The following ZNF155 variants were observed in gnomAD, a reference collection of about 807,000 sequenced individuals.
ZNF155 encodes KRAB A domain.
Under a neutral mutation model 11.9 loss-of-function variants are expected in ZNF155, and 15 were observed. The ratio of observed to expected loss-of-function variants is 1.26; its 90% CI spans 0.84 to 1.94. ZNF155 has a LOEUF of 1.94. Among genes scored for constraint, ZNF155 ranks in the 30% most tolerant of loss-of-function variants. The pLI is 0.00. For synonymous variants in ZNF155, 212 were observed against 219.9 expected (o/e 0.96, Z 0.32); for missense variants, 602 against 639.1 (o/e 0.94, Z 0.63).
In ZNF155 at chr19:43,997,122, A is replaced by G. The variant is rs561564860; in HGVS notation, c.1265A>G (p.His422Arg). Reference sequence around the variant, plus strand: ...CAACTGTCTTCCCATCAGAGATCCCACAGTGGTGAAAAGCCATATAAATGT... The same window carrying G: ...CAACTGTCTTCCCATCAGAGATCCCGCAGTGGTGAAAAGCCATATAAATGT... ...NSQLSSHQRS[H>R]SGEKPYKCEE... The change falls in exon 5 of 5, where the codon CAC (histidine) becomes CGC (arginine). Residue 422 changes from histidine (H) to arginine (R), a missense_variant. Physicochemically the swap from His to Arg is conservative, Grantham distance 29. Coordinates refer to ENST00000270014, the MANE Select transcript of ZNF155 (RefSeq NM_198089.3). 3.1e-6 allele frequency: 5 copies of G among 1,614,196 alleles called. No homozygotes were observed. The African/African-American group carries it at 5.3e-5, about 17-fold the overall frequency.
rs780529007 is a variant in ZNF155, at chr19:43,997,110, A to C, written c.1253A>C (p.His418Pro). Residue 418 changes from histidine (H) to proline (P), a missense_variant, in exon 5 of 5, where the codon CAT (histidine) becomes CCT (proline). His to Pro is a moderately conservative substitution (Grantham distance 77). Coordinates refer to ENST00000270014, the MANE Select transcript of ZNF155 (RefSeq NM_198089.3). Reference protein sequence around the residue: ...GFYTNSQLSSHQRSHSGEKPY... With the variant: ...GFYTNSQLSSPQRSHSGEKPY... ...TATACAAATTCACAACTGTCTTCCC[A>C]TCAGAGATCCCACAGTGGTGAAAAG... 1 of 1,613,596 alleles carries C rather than the reference A, an allele frequency of 6.2e-7. No individual in the cohort carries two copies. The highest frequency in any genetic ancestry group is 1.7e-5 in the Admixed American group (1 of 60,010).
intron 1 of ZNF155, among the ~76,000 whole-genome samples, chr19:43,987,114 T>C (rs948354424): frequency 1.3e-5 from 2 of 152,342 alleles, no homozygotes; most frequent in African/African-American, 4.8e-5. Flanking sequence ...ATATTAGATA[T>C]CTGTTTAAAA....
At position 43,998,266 on chromosome 19, in the gene ZNF155, T is replaced by G. The variant is rs952531943; in HGVS notation, c.*792T>G. On this transcript the variant is annotated 3_prime_UTR_variant, in exon 5 of 5. Transcript: ENST00000270014. Reference sequence around the variant, plus strand: ...CCTCATACTGGGCAACTTATTTGGATCCCCATCTCCACTGTGGAGAGCTTT... The same window carrying G: ...CCTCATACTGGGCAACTTATTTGGAGCCCCATCTCCACTGTGGAGAGCTTT... The G allele has an allele frequency of 6.6e-6, 1 of 152,144 alleles. No individual in the cohort carries two copies. The highest frequency in any genetic ancestry group is 2.4e-5 in the African/African-American group (1 of 41,410). 9.4% of individuals were successfully genotyped at this position (152,144 alleles called of 1,614,324 possible).
Position 43,988,460 on chromosome 19 carries a change from C to G in ZNF155, c.-84C>G. The G allele has an allele frequency of 6.9e-7, 1 of 1,448,406 alleles. No homozygotes were observed. The allele number at this position is 1,448,406 out of a possible 1,614,324, so 89.7% of individuals were successfully genotyped here. A position where few individuals can be genotyped will look rare whatever the true frequency, so the allele number is the denominator to read the frequency against. On this transcript the variant is annotated splice_region_variant and 5_prime_UTR_variant, in exon 2 of 5. Coordinates refer to ENST00000270014, the MANE Select transcript of ZNF155 (RefSeq NM_198089.3). ...ACACACATCTCTCTTTTTCTGCAGA[C>G]TGTGGCACGTTTCAGGCAGGATTCC... is the stretch of plus-strand genomic sequence containing the variant.
rs745779454 is a variant in ZNF155 at position 43,996,916 on chromosome 19, T to C, written c.1059T>C (p.Phe353=). 11 of 1,613,844 alleles carry C rather than the reference T, an allele frequency of 6.8e-6. No individual in the cohort carries two copies. The highest frequency in any genetic ancestry group is 9.3e-6 in the Non-Finnish European group (11 of 1,179,970). The change falls in exon 5 of 5, where the codon TTT becomes TTC. Residue 353 remains phenylalanine (F), a synonymous_variant. Coordinates refer to ENST00000270014, the MANE Select transcript of ZNF155 (RefSeq NM_198089.3). ...PYRCEQCGKG[F]IGRLDFYKHQ... Reference sequence around the variant, plus strand: ...GATGTGAGCAGTGTGGAAAAGGCTTTATTGGTAGGCTAGATTTTTATAAGC... The same window carrying C: ...GATGTGAGCAGTGTGGAAAAGGCTTCATTGGTAGGCTAGATTTTTATAAGC...
chr19:43,987,484 T>C (rs956816192), intron 1 of ZNF155, among the ~76,000 whole-genome samples: 9 of 152,356 alleles, frequency 5.9e-5, no homozygotes, highest in South Asian at 2.1e-4. Context: ...TTATTGCTTC[T>C]GGGCCTTATG....
At chr19:43,994,739 G>A (rs753279078) in intron 4 of ZNF155, among the ~76,000 whole-genome samples, 20 of 152,154 alleles carry the variant, frequency 1.3e-4, no homozygotes, top group Non-Finnish European at 1.9e-4. Flanking sequence ...TCAAAGTACT[G>A]TCAGTCACAG....
At position 43,997,696 on chromosome 19, in the gene ZNF155, A is replaced by T; in HGVS notation, c.*222A>T. The T allele has an allele frequency of 2.1e-6, 1 of 481,030 alleles. No individual in the cohort carries two copies. Among genetic ancestry groups the T allele is most frequent in the South Asian group, 2.8e-5 (1 of 35,120 alleles). 29.8% of individuals were successfully genotyped at this position (481,030 alleles called of 1,614,324 possible). A position where few individuals can be genotyped will look rare whatever the true frequency, so the allele number is the denominator to read the frequency against. ...TGTCTCATCCCCACATAACACAAAA[A>T]GCAGCCTGGGGAAGACAATCAAGCT... On this transcript the variant is annotated 3_prime_UTR_variant, in exon 5 of 5. Transcript: ENST00000270014.
intron 4 of ZNF155, among the ~76,000 whole-genome samples, chr19:43,993,464 A>AG (rs1302174435): frequency 1.3e-5 from 2 of 152,162 alleles, no homozygotes; most frequent in Non-Finnish European, 2.9e-5. Flanking sequence ...CCCAGCCTGG[A>AG]GTGCAATGGT....
intron 4 of ZNF155, among the ~76,000 whole-genome samples, chr19:43,994,362 C>G (rs1975762469): frequency 6.6e-6 from 1 of 152,152 alleles, no homozygotes; most frequent in South Asian, 2.1e-4. Context: ...AATTCTTGTG[C>G]AGGGATACTT....
intron 4 of ZNF155, 31 bp downstream of exon 4, chr19:43,991,965 C>T: frequency 1.3e-6 from 2 of 1,584,866 alleles, no homozygotes; most frequent in Non-Finnish European, 1.7e-6. Flanking sequence ...TGTCCTTGTA[C>T]CTGACTCTCC....
intron 4 of ZNF155, among the ~76,000 whole-genome samples, chr19:43,993,414 A>ATTAAT (rs962151298): frequency 6.6e-6 from 1 of 152,114 alleles, no homozygotes; most frequent in African/African-American, 2.4e-5. Context: ...AAGATTTCTT[A>ATTAAT]TTAATTTAAT....
rs147749364 is a variant in ZNF155, at chr19:43,997,256, C to G, written c.1399C>G (p.Arg467Gly). 468 of 1,613,788 alleles carry G rather than the reference C, an allele frequency of 2.9e-4. No homozygotes were observed. The highest frequency in any genetic ancestry group is 3.7e-4 in the Non-Finnish European group (440 of 1,179,996). The change falls in exon 5 of 5, where the codon CGG becomes GGG. Residue 467 changes from arginine to glycine, a missense_variant. By Grantham distance (125) the Arg-to-Gly change is moderately radical. Coordinates refer to ENST00000270014, the MANE Select transcript of ZNF155 (RefSeq NM_198089.3). ...NCKECGKNFS[R>G]ASSILNHKRL... ...TAAGGAATGTGGGAAGAACTTTAGC[C>G]GGGCCTCAAGTATTTTGAATCATAA...
intron 1 of ZNF155, 125 bp from the exon 2 acceptor site, chr19:43,988,334 C>CT (rs1975533221): frequency 2.4e-6 from 1 of 424,078 alleles, no homozygotes; most frequent in Non-Finnish European, 4.2e-6. Flanking sequence ...GGATACACCA[C>CT]CATTTGCCTA....
In ZNF155 at chr19:43,997,716, C is replaced by T. The variant is rs899669496; in HGVS notation, c.*242C>T. The T allele has an allele frequency of 4.6e-6, 2 of 438,080 alleles. No individual in the cohort carries two copies. Among genetic ancestry groups the T allele is most frequent in the Middle Eastern group, 6.3e-4 (1 of 1,582 alleles). The allele number at this position is 438,080 out of a possible 1,614,324, so 27.1% of individuals were successfully genotyped here. On this transcript the variant is annotated 3_prime_UTR_variant, in exon 5 of 5. Coordinates refer to ENST00000270014, the MANE Select transcript of ZNF155 (RefSeq NM_198089.3). ...CAAAAAGCAGCCTGGGGAAGACAAT[C>T]AAGCTACAGGCACTGATAAGGGAAC...
intron 4 of ZNF155, 65 bp downstream of exon 4, chr19:43,991,999 C>A: frequency 1.4e-6 from 2 of 1,422,162 alleles, no homozygotes; most frequent in African/African-American, 1.4e-5. Flanking sequence ...TCTGTCCATG[C>A]CCATTTGCAT....
At position 43,991,572 on chromosome 19, in the gene ZNF155, G is replaced by A; in HGVS notation, c.40G>A (p.Ala14Thr). 1 of 1,614,138 alleles carries A rather than the reference G, an allele frequency of 6.2e-7. No homozygotes were observed. The highest frequency in any genetic ancestry group is 8.5e-7 in the Non-Finnish European group (1 of 1,180,016). ...GGAGGCAGTGACCTTCAAGGATGTGGCTGTGGTCTTCACTGAGGAGGAGCT... is the reference window on the plus strand; with the variant it reads ...GGAGGCAGTGACCTTCAAGGATGTGACTGTGGTCTTCACTGAGGAGGAGCT... ...FKEAVTFKDV[A>T]VVFTEEELGL... The change falls in exon 3 of 5, where the codon GCT becomes ACT. Residue 14 changes from alanine (A) to threonine (T), a missense_variant. By Grantham distance (58) the Ala-to-Thr change is moderately conservative. Transcript: ENST00000270014.
chr19:43,997,570 C>A lies in ZNF155; in HGVS notation c.*96C>A. On this transcript the variant is annotated 3_prime_UTR_variant, in exon 5 of 5. Transcript: ENST00000270014. ...TAATTGGTGTATCTGTTACCTCAAA[C>A]ATTTACCATTTCTTTGTGTTGGAAA... The A allele has an allele frequency of 9.3e-7, 1 of 1,080,190 alleles. No individual in the cohort carries two copies. The highest frequency in any genetic ancestry group is 1.3e-6 in the Non-Finnish European group (1 of 780,164). The allele number at this position is 1,080,190 out of a possible 1,614,324, so 66.9% of individuals were successfully genotyped here.
At chr19:43,986,453 T>TTG (rs1555760582) in intron 1 of ZNF155, among the ~76,000 whole-genome samples, 19 of 118,342 alleles carry the variant, frequency 1.6e-4, no homozygotes, top group African/African-American at 4.8e-4. Flanking sequence ...ATTTGTGTTT[T>TTG]TTTTTTTTTT....
Sources: allele counts gnomAD v4.1 joint callset (sites outside exome capture counted in the v4.1 genomes callset), GRCh38; gene constraint gnomAD v4.1.1; transcripts MANE v1.5; gene names NCBI Gene and HGNC (gene_info 2026-07-23, HGNC 2026-07-21).